SMIM14: variants seen among roughly 807,000 people sequenced by gnomAD.
SMIM14 encodes small integral membrane protein 14, also known as chromosome 4 open reading frame 34.
Under a neutral mutation model 12.6 loss-of-function variants are expected in SMIM14, and 5 were observed. The observed-to-expected ratio is 0.40, with a 90% CI of 0.21 to 0.83. SMIM14 has a LOEUF of 0.83. Among genes scored for constraint, SMIM14 ranks in the 40% least tolerant of loss-of-function variants. SMIM14 has a pLI of 0.37. For synonymous variants in SMIM14, 30 were observed against 40.1 expected, an observed-to-expected ratio of 0.75 and a Z score of 0.95; for missense variants, 86 against 119.1, an observed-to-expected ratio of 0.72 and a Z score of 1.29.
chr4:39,596,937 C>T (rs988322877), intron 2 of SMIM14, among the ~76,000 whole-genome samples: 2 of 151,914 alleles, frequency 1.3e-5, no homozygotes, highest in African/African-American at 2.4e-5. Flanking sequence ...CAAGATGCCC[C>T]GCTAATTTTT....
At position 39,560,364 on chromosome 4, in the gene SMIM14, G is replaced by A. The variant is rs976848937; in HGVS notation, c.125-3794C>T. 1.3e-5 allele frequency among the ~76,000 whole-genome samples: 2 copies of A among 150,340 alleles called. 1 individual carries two copies. The highest frequency in any genetic ancestry group is 3.0e-5 in the Non-Finnish European group (2 of 67,712). Reference sequence around the variant, plus strand: ...CTGGGTTTTATTTGTAGTAGAGCTGGGATTTCACCATGTTGGCCAGGCTGT... The same window carrying A: ...CTGGGTTTTATTTGTAGTAGAGCTGAGATTTCACCATGTTGGCCAGGCTGT... On this transcript the variant is annotated intron_variant, in intron 3 of 4. Coordinates refer to ENST00000295958, the MANE Select transcript of SMIM14 (RefSeq NM_174921.3).
intron 1 of SMIM14, among the ~76,000 whole-genome samples, chr4:39,630,522 T>G (rs568824649): frequency 3.3e-5 from 5 of 152,064 alleles, no homozygotes; most frequent in South Asian, 2.1e-4. Flanking sequence ...CGCATAAACA[T>G]CATTAGTCAT....
intron 3 of SMIM14, among the ~76,000 whole-genome samples, chr4:39,568,301 A>G (rs1712686875): frequency 6.6e-6 from 1 of 151,994 alleles, no homozygotes; most frequent in Admixed American, 6.6e-5. Context: ...AAGAACATAT[A>G]CATGTATATA....
chr4:39,600,738 C>T (rs1394574681), intron 2 of SMIM14, among the ~76,000 whole-genome samples: 1 of 150,296 alleles, frequency 6.7e-6, no homozygotes, highest in Non-Finnish European at 1.5e-5. Context: ...AGGTGTGGTG[C>T]TGTGTGCCTG....
At chr4:39,633,202 G>A (rs1715974628) in intron 1 of SMIM14, among the ~76,000 whole-genome samples, 1 of 151,884 alleles carries the variant, frequency 6.6e-6, no homozygotes, top group Non-Finnish European at 1.5e-5. Context: ...GCTGAGGCAG[G>A]AGAATTGCTT....
intron 2 of SMIM14, among the ~76,000 whole-genome samples, chr4:39,603,741 TG>T: frequency 6.6e-6 from 1 of 152,136 alleles, no homozygotes. Flanking sequence ...CCAGGCGCAG[TG>T]GTTCACGCCT....
At position 39,624,828 on chromosome 4, in the gene SMIM14, A is replaced by C. The variant is rs906261648; in HGVS notation, c.-36+13911T>G. On this transcript the variant is annotated intron_variant, in intron 1 of 4. Transcript: ENST00000295958. ...AAGACACCATCTCGAAAAAAAAAAAAAAAAAACTTCCTATTCGTTCTTAGT... is the reference window on the plus strand; with the variant it reads ...AAGACACCATCTCGAAAAAAAAAAACAAAAAACTTCCTATTCGTTCTTAGT... Among the ~76,000 whole-genome samples the C allele has an allele frequency of 4.0e-5, 6 of 151,634 alleles. No individual in the cohort carries two copies. In the South Asian group the frequency reaches 1.2e-3, roughly 32 times the overall value.
chr4:39,586,288 A>C (rs1221731267), intron 2 of SMIM14, among the ~76,000 whole-genome samples: 1 of 152,028 alleles, frequency 6.6e-6, no homozygotes, highest in Non-Finnish European at 1.5e-5. Flanking sequence ...ATAAACAATC[A>C]GGAGGAACCA....
At chr4:39,626,033 C>A (rs531461624) in intron 1 of SMIM14, among the ~76,000 whole-genome samples, 17 of 152,146 alleles carry the variant, frequency 1.1e-4, no homozygotes, top group Non-Finnish European at 2.4e-4. Context: ...GGCCAGCAAG[C>A]ATTACCACCT....
At chr4:39,605,003 AT>A in intron 2 of SMIM14, 67 bp downstream of exon 2, 1 of 951,078 alleles carries the variant, frequency 1.1e-6, no homozygotes. Flanking sequence ...AATAACCAGT[AT>A]TTTCATGAAA....
intron 2 of SMIM14, among the ~76,000 whole-genome samples, chr4:39,588,814 TA>T (rs1713916994): frequency 6.6e-6 from 1 of 151,660 alleles, no homozygotes; most frequent in South Asian, 2.1e-4. Flanking sequence ...ATATATTATT[TA>T]TATAAATAAT....
intron 3 of SMIM14, among the ~76,000 whole-genome samples, chr4:39,564,251 G>A (rs995832526): frequency 6.6e-6 from 1 of 152,154 alleles, no homozygotes; most frequent in African/African-American, 2.4e-5. Context: ...TAACCCTGTA[G>A]TTTTTGGTCC....
rs564637832 is a variant in SMIM14, at chr4:39,621,806, C to T, written c.-35-16626G>A. Reference sequence around the variant, plus strand: ...CTCCCAGGCTCAAGTGATCCCATCCCGAGTGGCTGGGACTACGGAGGCGCA... The same window carrying T: ...CTCCCAGGCTCAAGTGATCCCATCCTGAGTGGCTGGGACTACGGAGGCGCA... On this transcript the variant is annotated intron_variant, in intron 1 of 4. Transcript: ENST00000295958. Among the ~76,000 whole-genome samples, 11 of 149,744 alleles carry T rather than the reference C, an allele frequency of 7.3e-5. No individual in the cohort carries two copies. In the East Asian group the frequency reaches 1.6e-3, roughly 22 times the overall value.
chr4:39,612,545 T>TC (rs987571516), intron 1 of SMIM14, among the ~76,000 whole-genome samples: 18 of 152,216 alleles, frequency 1.2e-4, no homozygotes, highest in African/African-American at 4.1e-4. Flanking sequence ...CTGACGTGTA[T>TC]CCCCCCAGGC....
intron 2 of SMIM14, among the ~76,000 whole-genome samples, chr4:39,574,237 CTTTTTTTTT>C (rs11338888): frequency 1.6e-5 from 2 of 126,884 alleles, no homozygotes; most frequent in East Asian, 2.3e-4. Context: ...CTGCAACTTT[CTTTTTTTTT>C]TTTTTTTTTT....
intron 1 of SMIM14, among the ~76,000 whole-genome samples, chr4:39,619,960 C>T (rs143674346): frequency 0.021 from 3,170 of 148,642 alleles, 146 homozygotes; most frequent in African/African-American, 0.074. Context: ...TCACTGCAGC[C>T]TCAAACTCAT....
At chr4:39,609,914 C>CA in intron 1 of SMIM14, among the ~76,000 whole-genome samples, 1 of 152,178 alleles carries the variant, frequency 6.6e-6, no homozygotes, top group Non-Finnish European at 1.5e-5. Flanking sequence ...GGAAGGAAGA[C>CA]AAATTATTTC....
rs774726576 is a variant in SMIM14 at position 39,558,750 on chromosome 4, C to T, written c.125-2180G>A. ...TTTTTGAGACAGAGTCTTGCCCTGT[C>T]GTCCAAGCTGGAATACAATGGCATG... On this transcript the variant is annotated intron_variant, in intron 3 of 4. Transcript: ENST00000295958. This position sits in a 1 kb window ranked among gnomAD's most constrained non-coding sequence, Gnocchi z 4.3. Among the ~76,000 whole-genome samples the T allele has an allele frequency of 6.6e-6, 1 of 152,138 alleles. No homozygotes were observed. Among genetic ancestry groups the T allele is most frequent in the Non-Finnish European group, 1.5e-5 (1 of 68,032 alleles).
chr4:39,624,116 A>C (rs191519776), intron 1 of SMIM14, among the ~76,000 whole-genome samples: 1 of 152,196 alleles, frequency 6.6e-6, no homozygotes, highest in Admixed American at 6.5e-5. Context: ...CAGATTACCC[A>C]AAGTCTCAGT....
Sources: gnomAD v4.1 joint callset for allele counts (sites outside exome capture counted in the v4.1 genomes callset) on GRCh38, gnomAD v4.1.1 for gene constraint, Gnocchi (gnomAD v3.1) non-coding constraint, MANE v1.5 for transcripts, NCBI Gene and HGNC (gene_info 2026-07-23, HGNC 2026-07-21) for gene names.